The following NEK11 variants were observed in gnomAD, a reference collection of about 807,000 sequenced individuals.
The protein encoded by NEK11 is NIMA related kinase 11.
A neutral mutation model predicts 80.7 loss-of-function variants in NEK11; 72 were observed. The ratio of observed to expected loss-of-function variants is 0.89; its 90% CI spans 0.74 to 1.08. NEK11 has a LOEUF of 1.08. NEK11 is among the 50% of genes least tolerant of loss of function. NEK11 has a pLI of 0.00. For missense variants in NEK11, 764 were observed against 763.6 expected (o/e 1.00, Z -0.01); for synonymous variants, 251 against 260.7 (o/e 0.96, Z 0.36).
intron 16 of NEK11, among the ~76,000 whole-genome samples, chr3:131,255,924 T>C (rs888953846): frequency 1.3e-5 from 2 of 152,180 alleles, no homozygotes; most frequent in Non-Finnish European, 2.9e-5. Flanking sequence ...CTCACTTCCA[T>C]TTTCTATCGA....
At chr3:131,296,049 C>T (rs750590074) in intron 17 of NEK11, among the ~76,000 whole-genome samples, 4 of 152,044 alleles carry the variant, frequency 2.6e-5, no homozygotes, top group Non-Finnish European at 5.9e-5. Flanking sequence ...CCATGATGTC[C>T]AACCTGGTCT....
intron 14 of NEK11, among the ~76,000 whole-genome samples, chr3:131,206,393 A>C (rs1222894286): frequency 6.6e-6 from 1 of 152,250 alleles, no homozygotes; most frequent in Non-Finnish European, 1.5e-5. Flanking sequence ...AACTTAACAA[A>C]GGTTTAATAG....
At chr3:131,281,510 C>T (rs1270038022) in intron 17 of NEK11, among the ~76,000 whole-genome samples, 8 of 152,260 alleles carry the variant, frequency 5.3e-5, no homozygotes, top group South Asian at 2.1e-4. Context: ...AACCTAATGA[C>T]GGACATACGA....
At chr3:131,255,124 G>GAAAGAAAGAAAGA (rs1553966666) in intron 16 of NEK11, among the ~76,000 whole-genome samples, 57 of 150,212 alleles carry the variant, frequency 3.8e-4, no homozygotes, top group Admixed American at 1.1e-3. Context: ...AAGAAAGAAA[G>GAAAGAAAGAAAGA]AAAGAGAGAA....
intron 14 of NEK11, among the ~76,000 whole-genome samples, chr3:131,207,850 A>C (rs1580191449): frequency 1.3e-5 from 2 of 152,234 alleles, no homozygotes; most frequent in East Asian, 3.9e-4. Flanking sequence ...AGTTCTTTGT[A>C]GATTCTGTAT....
intron 5 of NEK11, among the ~76,000 whole-genome samples, chr3:131,119,930 C>A (rs2082070047): frequency 6.6e-6 from 1 of 152,168 alleles, no homozygotes; most frequent in Admixed American, 6.5e-5. Context: ...GACTCTTTAT[C>A]CAATTTGCCA....
At chr3:131,118,466 A>G (rs1333959219) in intron 5 of NEK11, among the ~76,000 whole-genome samples, 2 of 152,120 alleles carry the variant, frequency 1.3e-5, no homozygotes, top group African/African-American at 4.8e-5. Flanking sequence ...GGGCTTTGGT[A>G]TCAGGATGTT....
intron 17 of NEK11, among the ~76,000 whole-genome samples, chr3:131,320,284 C>A (rs2096883989): frequency 6.6e-6 from 1 of 152,050 alleles, no homozygotes; most frequent in African/African-American, 2.4e-5. Context: ...AAAATGGTTT[C>A]CTGCTTAGTT....
intron 5 of NEK11, among the ~76,000 whole-genome samples, chr3:131,121,774 A>T (rs1194795733): frequency 1.3e-5 from 2 of 152,004 alleles, no homozygotes; most frequent in Non-Finnish European, 2.9e-5. Context: ...TGGGTGTGGG[A>T]CCCTCCAAGC....
intron 14 of NEK11, among the ~76,000 whole-genome samples, chr3:131,195,074 G>T (rs535408118): frequency 2.0e-5 from 3 of 152,162 alleles, no homozygotes; most frequent in Non-Finnish European, 4.4e-5. Flanking sequence ...CCTCCAGCTA[G>T]TCTCCTGCCC....
chr3:131,305,681 C>T (rs1023978141), intron 17 of NEK11, among the ~76,000 whole-genome samples: 1 of 152,174 alleles, frequency 6.6e-6, no homozygotes, highest in African/African-American at 2.4e-5. Flanking sequence ...GCTCAAGTGT[C>T]CTTTGAGATC....
intron 17 of NEK11, among the ~76,000 whole-genome samples, chr3:131,275,767 A>T (rs1425981511): frequency 6.6e-6 from 1 of 152,236 alleles, no homozygotes; most frequent in Non-Finnish European, 1.5e-5. Flanking sequence ...CTGCACTGTG[A>T]TATACTGCAT....
intron 15 of NEK11, among the ~76,000 whole-genome samples, chr3:131,239,386 C>A (rs1167997589): frequency 2.0e-5 from 3 of 152,092 alleles, no homozygotes; most frequent in African/African-American, 7.2e-5. Flanking sequence ...TCTATATATA[C>A]CTTTATAGGT....
intron 3 of NEK11, among the ~76,000 whole-genome samples, chr3:131,039,956 G>C (rs1280701207): frequency 2.0e-5 from 3 of 152,180 alleles, no homozygotes; most frequent in South Asian, 2.1e-4. Context: ...TTTGGAAAGA[G>C]TAATTTGTAA....
chr3:131,178,371 T>C (rs1046565209), intron 14 of NEK11, among the ~76,000 whole-genome samples: 2 of 152,370 alleles, frequency 1.3e-5, no homozygotes, highest in African/African-American at 4.8e-5. Flanking sequence ...ATTTTAAAAC[T>C]TTTTGATTAT....
At chr3:131,103,258 G>T (rs1202346621) in intron 4 of NEK11, among the ~76,000 whole-genome samples, 1 of 152,152 alleles carries the variant, frequency 6.6e-6, no homozygotes, top group African/African-American at 2.4e-5. Flanking sequence ...TGCATTGCCA[G>T]AACTCTTGAG....
intron 3 of NEK11, among the ~76,000 whole-genome samples, chr3:131,041,432 A>G (rs1249353157): frequency 1.3e-5 from 2 of 152,202 alleles, no homozygotes; most frequent in Non-Finnish European, 2.9e-5. Context: ...TTGAAAACTG[A>G]CAACAGTAGA....
chr3:131,049,071 A>G (rs138027591), intron 3 of NEK11, among the ~76,000 whole-genome samples: 4 of 152,322 alleles, frequency 2.6e-5, no homozygotes, highest in East Asian at 3.9e-4. Context: ...TTTCTAATTA[A>G]TAGTACATAC....
chr3:131,051,296 C>T (rs1342476922), intron 3 of NEK11, among the ~76,000 whole-genome samples: 3 of 152,214 alleles, frequency 2.0e-5, no homozygotes, highest in Admixed American at 2.0e-4. Flanking sequence ...AACTCTGTGA[C>T]ACTCCACATT....
Sources: gnomAD v4.1 joint callset for allele counts (sites outside exome capture counted in the v4.1 genomes callset) on GRCh38, gnomAD v4.1.1 for gene constraint, MANE v1.5 for transcripts, NCBI Gene and HGNC (gene_info 2026-07-23, HGNC 2026-07-21) for gene names.